PELI1: variants seen among roughly 807,000 people sequenced by gnomAD.
The protein encoded by PELI1 is pellino E3 ubiquitin protein ligase 1.
Under a neutral mutation model 41.3 loss-of-function variants are expected in PELI1, and 15 were observed. The ratio of observed to expected loss-of-function variants is 0.36; its 90% confidence interval spans 0.24 to 0.56. The LOEUF (loss-of-function observed/expected upper bound fraction) is 0.56, where lower values mean the gene tolerates loss of function less well. Among genes scored for constraint, PELI1 ranks in the 20% least tolerant of loss-of-function variants. The pLI is 0.82. For synonymous variants in PELI1, 178 were observed against 180.1 expected, an observed-to-expected ratio of 0.99 and a Z score of 0.09; for missense variants, 403 against 525.5, an observed-to-expected ratio of 0.77 and a Z score of 2.28.
chr2:64,138,013 C>A (rs1036279382), intron 1 of PELI1, among the ~76,000 whole-genome samples: 3 of 152,138 alleles, frequency 2.0e-5, no homozygotes, highest in Admixed American at 6.5e-5. Flanking sequence ...CAGCCCTACA[C>A]AATTTAGTCT....
At chr2:64,102,835 CTTT>C (rs1221467456) in intron 3 of PELI1, among the ~76,000 whole-genome samples, 3 of 133,148 alleles carry the variant, frequency 2.3e-5, no homozygotes, top group Non-Finnish European at 4.8e-5. Context: ...AGGAGTCAAT[CTTT>C]TTTTTTTTTT....
At chr2:64,132,372 G>GA (rs1681584770) in intron 1 of PELI1, among the ~76,000 whole-genome samples, 1 of 152,140 alleles carries the variant, frequency 6.6e-6, no homozygotes, top group Non-Finnish European at 1.5e-5. Context: ...TCCACGATCT[G>GA]AAAAAATCTG....
Position 64,144,350 on chromosome 2 carries a change from C to T in PELI1, c.-339G>A, listed in dbSNP as rs535223258. ...CGCACCGCGGGACTAGGGCTGCTGCCGCTGCTGCTAGTGGAGGCGGCGGCG... is the reference window on the plus strand; with the variant it reads ...CGCACCGCGGGACTAGGGCTGCTGCTGCTGCTGCTAGTGGAGGCGGCGGCG... On this transcript the variant is annotated 5_prime_UTR_variant, in exon 1 of 7. Transcript: ENST00000358912. 2 of 152,072 alleles carry T rather than the reference C, an allele frequency of 1.3e-5. No homozygotes were observed. Among genetic ancestry groups the T allele is most frequent in the South Asian group, 2.1e-4 (1 of 4,830 alleles). 9.4% of individuals were successfully genotyped at this position (152,072 alleles called of 1,614,324 possible).
intron 1 of PELI1, among the ~76,000 whole-genome samples, chr2:64,110,287 CAG>C (rs143337849): frequency 8.6e-4 from 125 of 144,618 alleles, no homozygotes; most frequent in Admixed American, 1.2e-3. Context: ...ATCCTGGAAG[CAG>C]AGAGAGAGAG....
intron 3 of PELI1, among the ~76,000 whole-genome samples, chr2:64,101,722 A>G (rs1680439422): frequency 6.6e-6 from 1 of 152,204 alleles, no homozygotes; most frequent in South Asian, 2.1e-4. Flanking sequence ...CAAATTTCCA[A>G]ATATACAAAG....
chr2:64,112,767 A>G (rs1680845417), intron 1 of PELI1, among the ~76,000 whole-genome samples: 5 of 152,316 alleles, frequency 3.3e-5, no homozygotes, highest in African/African-American at 7.2e-5. Context: ...CATATAATCA[A>G]TCAATATACA....
At chr2:64,102,696 G>A (rs1680485292) in intron 3 of PELI1, among the ~76,000 whole-genome samples, 1 of 152,166 alleles carries the variant, frequency 6.6e-6, no homozygotes, top group Admixed American at 6.5e-5. Context: ...TAAAAACTAT[G>A]TCAAGTTACG....
At chr2:64,111,318 A>C (rs2103696806) in intron 1 of PELI1, among the ~76,000 whole-genome samples, 1 of 152,340 alleles carries the variant, frequency 6.6e-6, no homozygotes, top group Admixed American at 6.5e-5. Flanking sequence ...ACGTCAAAGG[A>C]AAAGTCAATG....
intron 1 of PELI1, among the ~76,000 whole-genome samples, chr2:64,110,911 G>A (rs1680788179): frequency 7.1e-6 from 1 of 141,028 alleles, no homozygotes; most frequent in African/African-American, 2.7e-5. Flanking sequence ...GGGTGACAGA[G>A]CAAGACTCCA....
Position 64,096,213 on chromosome 2 carries a change from G to T in PELI1, c.602C>A (p.Ser201Tyr). The change falls in exon 6 of 7, where the codon TCC (serine) becomes TAC (tyrosine). Residue 201 changes from serine to tyrosine, a missense_variant. Ser to Tyr is a moderately radical substitution (Grantham distance 144, BLOSUM62 -2). Transcript: ENST00000358912. ...MHPRNGFTED[S>Y]KPGIWREISV... ...TATTTCTCTCCATATTCCAGGCTTG[G>T]AGTCTTCTGTGAACCCATTGCGTGG... 1 of 1,613,866 alleles carries T rather than the reference G, an allele frequency of 6.2e-7. No homozygotes were observed. Among genetic ancestry groups the T allele is most frequent in the South Asian group, 1.1e-5 (1 of 91,072 alleles).
At chr2:64,116,442 G>C (rs991090640) in intron 1 of PELI1, among the ~76,000 whole-genome samples, 2 of 152,104 alleles carry the variant, frequency 1.3e-5, no homozygotes, top group African/African-American at 4.8e-5. Flanking sequence ...GCAGTTATTT[G>C]GAACAAAAAC....
intron 4 of PELI1, among the ~76,000 whole-genome samples, chr2:64,097,684 G>A (rs1214988865): frequency 6.6e-6 from 1 of 152,212 alleles, no homozygotes; most frequent in Non-Finnish European, 1.5e-5. Flanking sequence ...ATTGAAGAAT[G>A]TGGGTACTGA....
Position 64,092,698 on chromosome 2 carries a change from A to T in PELI1, c.*2004T>A, listed in dbSNP as rs1481185432. 6.6e-6 allele frequency: 1 copy of T among 152,206 alleles called. No homozygotes were observed. The highest frequency in any genetic ancestry group is 1.5e-5 in the Non-Finnish European group (1 of 68,030). The allele number at this position is 152,206 out of a possible 1,614,324, so 9.4% of individuals were successfully genotyped here. On this transcript the variant is annotated 3_prime_UTR_variant, in exon 7 of 7. Transcript: ENST00000358912. The stretch of plus-strand genomic sequence containing the variant: ...TCCTTTATTAGTAAGAGATGCTTTT[A>T]AAAAAGAACCAGATACTTTAAAGTG...
At chr2:64,097,272 C>G (rs1680269125) in intron 4 of PELI1, among the ~76,000 whole-genome samples, 1 of 152,346 alleles carries the variant, frequency 6.6e-6, no homozygotes, top group East Asian at 1.9e-4. Flanking sequence ...ACTGGCTACT[C>G]TTACTCTGTT....
At chr2:64,130,888 TA>T (rs1166702589) in intron 1 of PELI1, among the ~76,000 whole-genome samples, 2 of 152,190 alleles carry the variant, frequency 1.3e-5, no homozygotes, top group Non-Finnish European at 2.9e-5. Context: ...CATAATGTAT[TA>T]TTTTTTATTT....
chr2:64,106,410 G>A (rs959030969), intron 2 of PELI1: 7 of 152,176 alleles, frequency 4.6e-5, no homozygotes, highest in South Asian at 2.1e-4. Context: ...TAAGACTGGC[G>A]GTTTAAAACC....
In PELI1 at chr2:64,092,775, T is replaced by C. The variant is rs1397912076; in HGVS notation, c.*1927A>G. 1 of 150,964 alleles carries C rather than the reference T, an allele frequency of 6.6e-6. No individual in the cohort carries two copies. Among genetic ancestry groups the C allele is most frequent in the Admixed American group, 6.6e-5 (1 of 15,226 alleles). The allele number at this position is 150,964 out of a possible 1,614,324, so 9.4% of individuals were successfully genotyped here. On this transcript the variant is annotated 3_prime_UTR_variant, in exon 7 of 7. Coordinates refer to ENST00000358912, the MANE Select transcript of PELI1 (RefSeq NM_020651.4). ...ATTTCAAATGAGTATTTTTGGAGTG[T>C]GGAATAGAGTTGTTCACAGTTTTCA...
intron 1 of PELI1, among the ~76,000 whole-genome samples, chr2:64,124,299 T>A (rs916770241): frequency 7.2e-5 from 11 of 152,118 alleles, no homozygotes; most frequent in Admixed American, 3.3e-4. Flanking sequence ...ATAAATGGTA[T>A]AAAAATTATA....
intron 1 of PELI1, among the ~76,000 whole-genome samples, chr2:64,134,002 ATTC>A (rs1681642127): frequency 6.6e-6 from 1 of 152,066 alleles, no homozygotes; most frequent in African/African-American, 2.4e-5. Context: ...CCATATGACA[ATTC>A]TTCTTTAGAG....
Sources: allele counts gnomAD v4.1 joint callset (sites outside exome capture counted in the v4.1 genomes callset), GRCh38; gene constraint gnomAD v4.1.1; transcripts MANE v1.5; gene names NCBI Gene and HGNC (gene_info 2026-07-23, HGNC 2026-07-21).